Variants in MYOM1 observed in about 807,000 individuals in gnomAD.
The protein encoded by MYOM1 is myomesin-1.
MYOM1 carries 164 observed loss-of-function variants against 205.3 expected under a neutral mutation model. That is an observed-to-expected ratio of 0.80 (90% CI 0.70 to 0.91). The LOEUF (loss-of-function observed/expected upper bound fraction) is 0.91. Ranked by LOEUF, MYOM1 falls within the 40% of genes least tolerant of loss-of-function variation. The pLI, the probability that MYOM1 is intolerant of heterozygous loss-of-function variation, is 0.00. For synonymous variants in MYOM1, 772 were observed against 789.4 expected (o/e 0.98, Z 0.37); for missense variants, 2,011 against 2,127.3 (o/e 0.95, Z 1.08).
intron 22 of MYOM1, 136 bp from the exon 23 acceptor site, chr18:3,102,766 G>A: frequency 1.2e-6 from 1 of 820,104 alleles, no homozygotes; most frequent in East Asian, 2.5e-5. Context: ...CACTACTCAT[G>A]CAGGTGGACA....
At chr18:3,118,636 C>T (rs931224643) in intron 20 of MYOM1, among the ~76,000 whole-genome samples, 2 of 152,114 alleles carry the variant, frequency 1.3e-5, no homozygotes, top group East Asian at 1.9e-4. Flanking sequence ...ACCCAGCCAA[C>T]GACATCACTT....
chr18:3,198,881 G>T (rs113601824), intron 2 of MYOM1, among the ~76,000 whole-genome samples: 3 of 152,238 alleles, frequency 2.0e-5, no homozygotes, highest in African/African-American at 7.2e-5. Context: ...GCTGAGGAAT[G>T]ATTAAAAATG....
At chr18:3,238,264 A>G in the MYOM1 span, among the ~76,000 whole-genome samples, 1 of 152,116 alleles carries the variant, frequency 6.6e-6, no homozygotes, top group Non-Finnish European at 1.5e-5. Context: ...TCATGCTCCT[A>G]AGAGAATCTA....
At chr18:3,182,342 G>C (rs187267387) in intron 5 of MYOM1, among the ~76,000 whole-genome samples, 1 of 152,160 alleles carries the variant, frequency 6.6e-6, no homozygotes, top group Non-Finnish European at 1.5e-5. Context: ...TAAATGACGA[G>C]TTGATGGGTG....
In MYOM1 at chr18:3,193,357, T is replaced by TACAC. The variant is rs1367330529; in HGVS notation, c.431+460_431+461insGTGT. 8.3e-3 allele frequency among the ~76,000 whole-genome samples: 850 copies of TACAC among 102,826 alleles called. 13 individuals are homozygous for TACAC. The highest frequency in any genetic ancestry group is 0.026 in the African/African-American group (814 of 30,988). 67.5% of individuals were successfully genotyped at this position (102,826 alleles called of 152,430 possible). A position where few individuals can be genotyped will look rare whatever the true frequency, so the allele number is the denominator to read the frequency against. ...ATATATGTACATATACATATATATA[T>TACAC]ATATACACACACACACACACACACA... On this transcript the variant is annotated intron_variant, in intron 3 of 37. Transcript: ENST00000356443.
chr18:3,137,109 C>A (rs1341157118), intron 14 of MYOM1, among the ~76,000 whole-genome samples: 4 of 152,112 alleles, frequency 2.6e-5, no homozygotes, highest in African/African-American at 9.7e-5. Flanking sequence ...CCCCACCACA[C>A]CTGGCTAATT....
chr18:3,112,261 AG>A, intron 22 of MYOM1, 36 bp downstream of exon 22: 1 of 1,569,514 alleles, frequency 6.4e-7, no homozygotes. Context: ...TATCTTACAC[AG>A]ATAGGATTAG....
intron 5 of MYOM1, among the ~76,000 whole-genome samples, chr18:3,181,218 G>C (rs192485354): frequency 5.3e-5 from 8 of 152,212 alleles, no homozygotes; most frequent in Non-Finnish European, 1.0e-4. Flanking sequence ...GAACCACCAC[G>C]CCCGGCCAAA....
chr18:3,161,268 A>G (rs1019026630), intron 10 of MYOM1, among the ~76,000 whole-genome samples: 4 of 152,202 alleles, frequency 2.6e-5, no homozygotes, highest in Non-Finnish European at 5.9e-5. Flanking sequence ...TATCTATACC[A>G]GTTGCCGGTC....
At chr18:3,194,898 G>T (rs1302686889) in intron 2 of MYOM1, among the ~76,000 whole-genome samples, 18 of 127,942 alleles carry the variant, frequency 1.4e-4, no homozygotes, top group Admixed American at 1.4e-3. Context: ...TTGTAAATTT[G>T]AAACTATTCT....
At chr18:3,117,339 G>A (rs2079621107) in intron 20 of MYOM1, among the ~76,000 whole-genome samples, 1 of 152,168 alleles carries the variant, frequency 6.6e-6, no homozygotes, top group Admixed American at 6.5e-5. Flanking sequence ...GCCCACAAAT[G>A]GGTAAAAACA....
chr18:3,091,253 T>C (rs2079222079), intron 26 of MYOM1, among the ~76,000 whole-genome samples: 1 of 151,686 alleles, frequency 6.6e-6, no homozygotes, highest in South Asian at 2.1e-4. Context: ...GAGGCAGAGG[T>C]TGCAGTGAGC....
upstream of MYOM1, among the ~76,000 whole-genome samples, chr18:3,220,988 A>G (rs1298171558): frequency 6.6e-6 from 1 of 152,182 alleles, no homozygotes; most frequent in Admixed American, 6.5e-5. Context: ...CAGTGATATT[A>G]CATCAACTGA....
chr18:3,155,053 G>C lies in MYOM1; in HGVS notation c.1537C>G (p.Pro513Ala). The stretch of plus-strand genomic sequence containing the variant: ...GCCTCCAAGCACTTCACATCCAAGG[G>C]AGCAGCTGGGGCTCCTTCAATCTCT... ...DAEIEGAPAA[P>A]LDVKCLEANK... Residue 513 changes from proline (P) to alanine (A), a missense_variant, in exon 11 of 38, where the codon CCC becomes GCC. By Grantham distance (27) the Pro-to-Ala change is conservative. Transcript: ENST00000356443. The C allele has an allele frequency of 6.2e-7, 1 of 1,613,154 alleles. No homozygotes were observed. Among genetic ancestry groups the C allele is most frequent in the Non-Finnish European group, 8.5e-7 (1 of 1,179,562 alleles).
At chr18:3,114,610 C>T (rs1294810918) in intron 21 of MYOM1, among the ~76,000 whole-genome samples, 4 of 143,086 alleles carry the variant, frequency 2.8e-5, no homozygotes, top group Non-Finnish European at 6.0e-5. Flanking sequence ...TCTTGAACTC[C>T]TGGGCTCAAG....
At chr18:3,077,554 C>A (rs1283563489) in intron 34 of MYOM1, among the ~76,000 whole-genome samples, 1 of 152,088 alleles carries the variant, frequency 6.6e-6, no homozygotes, top group Non-Finnish European at 1.5e-5. Flanking sequence ...TTCCTCTTGT[C>A]CCCGCACCAC....
chr18:3,161,372 AGT>A (rs2080388705), intron 10 of MYOM1, among the ~76,000 whole-genome samples: 1 of 152,168 alleles, frequency 6.6e-6, no homozygotes, highest in South Asian at 2.1e-4. Flanking sequence ...GCTTCCTTTT[AGT>A]ACTAGGACCC....
chr18:3,116,241 C>G, intron 21 of MYOM1, 90 bp downstream of exon 21: 5 of 1,353,706 alleles, frequency 3.7e-6, no homozygotes, highest in Non-Finnish European at 3.1e-6. Flanking sequence ...CAGATCAAAG[C>G]GGAGATATTC....
rs2080704638 is a variant in MYOM1 at position 3,179,938 on chromosome 18, C to A, written c.930-3804G>T. On this transcript the variant is annotated intron_variant, in intron 5 of 37. Coordinates refer to ENST00000356443, the MANE Select transcript of MYOM1 (RefSeq NM_003803.4). The surrounding 1 kb of genome is among the most constrained non-coding windows in gnomAD (Gnocchi z 4.4). ...ACATGTGCTGTTTGACCAAATGACT[C>A]AGTGACACTCAATTCGGCTTCGGAT... Among the ~76,000 whole-genome samples the A allele has an allele frequency of 6.6e-6, 1 of 152,142 alleles. No homozygotes were observed. The highest frequency in any genetic ancestry group is 1.5e-5 in the Non-Finnish European group (1 of 68,032).
Sources: allele counts gnomAD v4.1 joint callset (sites outside exome capture counted in the v4.1 genomes callset), GRCh38; gene constraint gnomAD v4.1.1; non-coding constraint Gnocchi (gnomAD v3.1); transcripts MANE v1.5; gene names NCBI Gene and HGNC (gene_info 2026-07-23, HGNC 2026-07-21).